Variants in GPHN observed in about 807,000 individuals in gnomAD.
GPHN encodes gephyrin.
A neutral mutation model predicts 95.5 loss-of-function variants in GPHN; 17 were observed. The ratio of observed to expected loss-of-function variants is 0.18; its 90% CI spans 0.12 to 0.27. The LOEUF is 0.27. Ranked by LOEUF, GPHN falls within the 10% of genes least tolerant of loss-of-function variation. GPHN has a pLI of 1.00. For missense variants in GPHN, 660 were observed against 978.1 expected (o/e 0.67, Z 4.34); for synonymous variants, 320 against 322.5 (o/e 0.99, Z 0.08).
At chr14:67,001,467 T>C (rs549176711) in intron 9 of GPHN, among the ~76,000 whole-genome samples, 1 of 151,768 alleles carries the variant, frequency 6.6e-6, no homozygotes, top group South Asian at 2.1e-4. Context: ...CTTTTTGTAA[T>C]ATCAAACTCA....
At chr14:66,938,462 G>A (rs768414684) in intron 8 of GPHN, among the ~76,000 whole-genome samples, 1 of 152,034 alleles carries the variant, frequency 6.6e-6, no homozygotes, top group Non-Finnish European at 1.5e-5. Flanking sequence ...TTTTCATTCT[G>A]TGTTGATTCA....
the GPHN span, among the ~76,000 whole-genome samples, chr14:67,598,708 A>G: frequency 8.5e-6 from 1 of 117,274 alleles, no homozygotes. Context: ...TGACTTATGA[A>G]CAAACTTTTT....
At chr14:67,407,226 A>G in the GPHN span, among the ~76,000 whole-genome samples, 1 of 151,980 alleles carries the variant, frequency 6.6e-6, no homozygotes, top group African/African-American at 2.4e-5. Flanking sequence ...GATTCAAGCA[A>G]TTCTCTTGCC....
the GPHN span, among the ~76,000 whole-genome samples, chr14:67,370,197 C>T: frequency 6.6e-6 from 1 of 152,254 alleles, no homozygotes; most frequent in African/African-American, 2.4e-5. Flanking sequence ...TCCTTGCCCT[C>T]ATTCCTGTAA....
At chr14:67,670,578 T>C in the GPHN span, among the ~76,000 whole-genome samples, 2 of 151,270 alleles carry the variant, frequency 1.3e-5, no homozygotes, top group African/African-American at 2.4e-5. Flanking sequence ...TTTTTTTTTT[T>C]CTGAGATAGA....
chr14:67,542,069 G>C, the GPHN span: 1 of 1,359,738 alleles, frequency 7.4e-7, no homozygotes. Flanking sequence ...GAGAGAGGGA[G>C]AGTTGCGGAA....
At chr14:67,521,365 G>A in the GPHN span, among the ~76,000 whole-genome samples, 1 of 152,226 alleles carries the variant, frequency 6.6e-6, no homozygotes, top group African/African-American at 2.4e-5. Flanking sequence ...GTCACAGAGG[G>A]ATGGAAAGGG....
the GPHN span, chr14:67,503,628 T>C: frequency 2.6e-5 from 4 of 152,240 alleles, no homozygotes; most frequent in African/African-American, 9.6e-5. Context: ...AATCCCAGCT[T>C]TGACACCAAT....
chr14:67,321,293 TAGAA>T, the GPHN span: 1 of 1,601,706 alleles, frequency 6.2e-7, no homozygotes, highest in South Asian at 1.1e-5. Context: ...GGTTTGAACT[TAGAA>T]GGAATGTCAT....
At chr14:66,715,283 C>G (rs573443933) in intron 2 of GPHN, among the ~76,000 whole-genome samples, 4 of 152,016 alleles carry the variant, frequency 2.6e-5, no homozygotes, top group Admixed American at 1.3e-4. Context: ...CCGTAGTAGC[C>G]TTGAATGATC....
At chr14:66,785,133 C>T (rs544589060) in intron 3 of GPHN, among the ~76,000 whole-genome samples, 184 of 151,992 alleles carry the variant, frequency 1.2e-3, no homozygotes, top group African/African-American at 4.3e-3. Context: ...TTGGGGAGGT[C>T]GAAGCGGGTG....
At chr14:67,690,475 A>G in the GPHN span, 2 of 1,499,876 alleles carry the variant, frequency 1.3e-6, no homozygotes, top group Non-Finnish European at 1.9e-6. Flanking sequence ...GAATGACAGG[A>G]GTCGTGGTGA....
chr14:67,142,670 C>A (rs1475216831), intron 17 of GPHN, among the ~76,000 whole-genome samples: 3 of 152,096 alleles, frequency 2.0e-5, no homozygotes, highest in Admixed American at 2.0e-4. Flanking sequence ...TTCTAGGGAT[C>A]CTCCCCCCTC....
chr14:67,355,508 A>G, the GPHN span, among the ~76,000 whole-genome samples: 3 of 148,386 alleles, frequency 2.0e-5, no homozygotes, highest in African/African-American at 4.9e-5. Context: ...CATACCATGC[A>G]GTAGTACATG....
the GPHN span, among the ~76,000 whole-genome samples, chr14:67,373,811 A>G: frequency 7.9e-5 from 12 of 151,646 alleles, no homozygotes; most frequent in South Asian, 2.5e-3. Flanking sequence ...TATGGTAGTC[A>G]TACAGTAGAT....
rs1347169669 is a variant in GPHN, at chr14:67,106,128, G to T, written c.1294-4012G>T. 1.3e-5 allele frequency among the ~76,000 whole-genome samples: 2 copies of T among 152,156 alleles called. 1 individual carries two copies. Among genetic ancestry groups the T allele is most frequent in the South Asian group, 4.1e-4 (2 of 4,834 alleles). ...TCTCCATTTTTGCTTGTCTGGGAAA[G>T]ACTATTTCTCCCTCATTTCCAAAGG... On this transcript the variant is annotated intron_variant, in intron 13 of 22. Transcript: ENST00000478722.
At chr14:67,566,977 C>G in the GPHN span, among the ~76,000 whole-genome samples, 1 of 152,116 alleles carries the variant, frequency 6.6e-6, no homozygotes, top group African/African-American at 2.4e-5. Flanking sequence ...GTCAGGTCTT[C>G]CCACAGAACC....
intron 1 of GPHN, among the ~76,000 whole-genome samples, chr14:66,529,644 G>A (rs1033339177): frequency 9.9e-5 from 15 of 152,132 alleles, no homozygotes; most frequent in African/African-American, 3.6e-4. Flanking sequence ...TTCAGAAGGG[G>A]TCTGTGAGTG....
At chr14:66,790,970 C>T (rs191402106) in intron 3 of GPHN, among the ~76,000 whole-genome samples, 1 of 152,352 alleles carries the variant, frequency 6.6e-6, no homozygotes, top group Non-Finnish European at 1.5e-5. Flanking sequence ...AATTAAAATT[C>T]TTTAATGCCA....
Sources: allele counts gnomAD v4.1 joint callset (sites outside exome capture counted in the v4.1 genomes callset), GRCh38; gene constraint gnomAD v4.1.1; transcripts MANE v1.5; gene names NCBI Gene and HGNC (gene_info 2026-07-23, HGNC 2026-07-21).